PID1: variants seen among roughly 807,000 people sequenced by gnomAD.
The protein encoded by PID1 is PTB-containing, cubilin and LRP1-interacting protein.
A neutral mutation model predicts 19.1 loss-of-function variants in PID1; 10 were observed. That is an observed-to-expected ratio of 0.52 (90% confidence interval 0.32 to 0.89). The LOEUF is 0.89. Among genes scored for constraint, PID1 ranks in the 40% least tolerant of loss-of-function variants. PID1 has a pLI of 0.03. For missense variants in PID1, 248 were observed against 285.3 expected, an observed-to-expected ratio of 0.87 and a Z score of 0.94; for synonymous variants, 130 against 116.0, an observed-to-expected ratio of 1.12 and a Z score of -0.78.
chr2:229,062,169 A>C lies in PID1; in HGVS notation c.178-36061T>G, dbSNP rs570383423. 1.3e-4 allele frequency among the ~76,000 whole-genome samples: 19 copies of C among 151,956 alleles called. 1 individual carries two copies. In the South Asian group the frequency reaches 1.9e-3, roughly 15 times the overall value. On this transcript the variant is annotated intron_variant, in intron 2 of 2. Coordinates refer to ENST00000392055, the MANE Select transcript of PID1 (RefSeq NM_001100818.2). ...AGTGGCCATCATTGTTTTATTTCTG[A>C]TTTTAGAGAAAAAGGTTTCATCTTT...
chr2:229,234,355 G>T (rs1692279109), intron 1 of PID1, among the ~76,000 whole-genome samples: 1 of 138,936 alleles, frequency 7.2e-6, no homozygotes, highest in African/African-American at 2.5e-5. Flanking sequence ...AAATGTAGAA[G>T]AGGGAAGAAG....
At chr2:229,076,194 A>C (rs1304779288) in intron 2 of PID1, among the ~76,000 whole-genome samples, 1 of 152,076 alleles carries the variant, frequency 6.6e-6, no homozygotes, top group African/African-American at 2.4e-5. Flanking sequence ...TTCTTAAGTA[A>C]ATTTTGAGAA....
intron 1 of PID1, among the ~76,000 whole-genome samples, chr2:229,168,859 T>G (rs529727488): frequency 6.6e-6 from 1 of 152,312 alleles, no homozygotes; most frequent in African/African-American, 2.4e-5. Flanking sequence ...GTCAATCTAG[T>G]CTAGAACTGG....
intron 1 of PID1, among the ~76,000 whole-genome samples, chr2:229,225,832 C>T (rs553166625): frequency 2.6e-5 from 4 of 152,230 alleles, no homozygotes; most frequent in South Asian, 2.1e-4. Flanking sequence ...CATCAGATCT[C>T]GTGAGAACTA....
At chr2:229,155,777 T>C (rs753877885) in intron 2 of PID1, 41 bp downstream of exon 2, 5 of 1,557,206 alleles carry the variant, frequency 3.2e-6, no homozygotes, top group Admixed American at 1.9e-5. Flanking sequence ...TCTTTGAGGC[T>C]ATCTCACCAA....
chr2:229,210,498 C>A (rs1574724609), intron 1 of PID1, among the ~76,000 whole-genome samples: 1 of 93,216 alleles, frequency 1.1e-5, no homozygotes, highest in South Asian at 4.0e-4. Context: ...GCCTGGGAGA[C>A]AAAGCTCCCA....
intron 2 of PID1, among the ~76,000 whole-genome samples, chr2:229,092,863 A>C (rs957457588): frequency 6.6e-6 from 1 of 152,154 alleles, no homozygotes; most frequent in African/African-American, 2.4e-5. Flanking sequence ...GTTTCTTGCC[A>C]AATTCTGGGT....
At position 229,143,085 on chromosome 2, in the gene PID1, C is replaced by T. The variant is rs1231626968; in HGVS notation, c.177+12733G>A. On this transcript the variant is annotated intron_variant, in intron 2 of 2. Transcript: ENST00000392055. ...ATTGGAAATCATCATTCTCAGTAAA[C>T]TATCACAAGAACAAAAAACCAAACA... Among the ~76,000 whole-genome samples the T allele has an allele frequency of 3.4e-5, 5 of 147,878 alleles. No individual in the cohort carries two copies. The Admixed American group carries it at 3.4e-4, about 10-fold the overall frequency.
chr2:229,222,027 C>G (rs1691981302), intron 1 of PID1, among the ~76,000 whole-genome samples: 2 of 152,250 alleles, frequency 1.3e-5, no homozygotes, highest in Admixed American at 1.3e-4. Flanking sequence ...CTCCTAAGCA[C>G]CCCTCTCCCA....
chr2:229,163,916 A>C (rs1007979763), intron 1 of PID1, among the ~76,000 whole-genome samples: 5 of 152,182 alleles, frequency 3.3e-5, no homozygotes, highest in African/African-American at 9.7e-5. Flanking sequence ...TATTTAATTC[A>C]CAGACTGCTT....
rs767612357 is a variant in PID1, at chr2:229,155,873, A to G, written c.122T>C (p.Ile41Thr). The change falls in exon 2 of 3, where the codon ATT becomes ACT. Residue 41 changes from isoleucine to threonine, a missense_variant. Transcript: ENST00000392055. The stretch of plus-strand genomic sequence containing the variant: ...CAGCGGTGTGGTCGTGCACAGCTCA[A>G]TGGCCTCCGGCTCATGGAAGATGAC... ...PAVIFHEPEA[I>T]ELCTTTPLMK... 2 of 1,613,882 alleles carry G rather than the reference A, an allele frequency of 1.2e-6. No homozygotes were observed. The highest frequency in any genetic ancestry group is 3.3e-5 in the Admixed American group (2 of 60,008).
rs1574741354 is a variant in PID1, at chr2:229,229,600, C to A, written c.30+41414G>T. Among the ~76,000 whole-genome samples the A allele has an allele frequency of 2.0e-5, 3 of 152,206 alleles. No homozygotes were observed. The South Asian group carries it at 6.2e-4, about 32-fold the overall frequency. On this transcript the variant is annotated intron_variant, in intron 1 of 2. Coordinates refer to ENST00000392055, the MANE Select transcript of PID1 (RefSeq NM_001100818.2). ...GCAGTGAGCTGTGATTGTGCTACTG[C>A]ACTCCAGCCTGAACAACAGAATGAG...
chr2:229,203,092 T>C (rs1220667128), intron 1 of PID1, among the ~76,000 whole-genome samples: 3 of 152,092 alleles, frequency 2.0e-5, no homozygotes, highest in Non-Finnish European at 4.4e-5. Context: ...CAAAAGAAGA[T>C]CATTCAGTAG....
chr2:229,162,837 C>T (rs1160596178), intron 1 of PID1, among the ~76,000 whole-genome samples: 3 of 152,174 alleles, frequency 2.0e-5, no homozygotes, highest in Non-Finnish European at 2.9e-5. Flanking sequence ...ACCATAGTGA[C>T]ACTTTTTTGT....
intron 1 of PID1, among the ~76,000 whole-genome samples, chr2:229,234,002 A>T (rs150686188): frequency 2.0e-5 from 3 of 152,338 alleles, no homozygotes; most frequent in Middle Eastern, 3.4e-3. Flanking sequence ...AATACCCAGA[A>T]AATAATGTAT....
At chr2:229,101,077 C>T (rs149601588) in intron 2 of PID1, among the ~76,000 whole-genome samples, 35 of 152,298 alleles carry the variant, frequency 2.3e-4, no homozygotes, top group South Asian at 6.2e-4. Context: ...GCCCTCCTCC[C>T]TACAATGGAA....
At chr2:229,113,620 G>GTGTGTA (rs1445285594) in intron 2 of PID1, among the ~76,000 whole-genome samples, 11 of 148,956 alleles carry the variant, frequency 7.4e-5, no homozygotes, top group African/African-American at 2.7e-4. Flanking sequence ...GTGTGTGTGT[G>GTGTGTA]TGTATACATA....
At chr2:229,114,197 AC>A (rs1695364349) in intron 2 of PID1, among the ~76,000 whole-genome samples, 2 of 146,532 alleles carry the variant, frequency 1.4e-5, no homozygotes, top group African/African-American at 5.1e-5. Flanking sequence ...ACACACACAC[AC>A]ACAACACAAC....
intron 1 of PID1, among the ~76,000 whole-genome samples, chr2:229,182,992 G>T (rs1452128116): frequency 6.6e-6 from 1 of 152,158 alleles, no homozygotes; most frequent in Non-Finnish European, 1.5e-5. Context: ...GTTGAACTAT[G>T]TTTTCCAATG....
Sources: allele counts gnomAD v4.1 joint callset (sites outside exome capture counted in the v4.1 genomes callset), GRCh38; gene constraint gnomAD v4.1.1; transcripts MANE v1.5; gene names NCBI Gene and HGNC (gene_info 2026-07-23, HGNC 2026-07-21).